Variants in LRTM2 observed in about 807,000 individuals in gnomAD.
LRTM2 encodes leucine rich repeat transmembrane protein 2, also known as leucine-rich repeat and transmembrane domain-containing protein 2.
A neutral mutation model predicts 28.1 loss-of-function variants in LRTM2; 18 were observed. The observed-to-expected ratio is 0.64, with a 90% CI of 0.44 to 0.95. The LOEUF is 0.95. Among genes scored for constraint, LRTM2 ranks in the 40% least tolerant of loss-of-function variants. The probability of loss-of-function intolerance (pLI) is 0.00; values close to 1 mark genes in which losing one functional copy is unlikely to be tolerated. For missense variants in LRTM2, 436 were observed against 497.2 expected, an observed-to-expected ratio of 0.88 and a Z score of 1.17; for synonymous variants, 250 against 218.7, an observed-to-expected ratio of 1.14 and a Z score of -1.26.
chr12:1,827,645 C>T (rs1459943260), intron 2 of LRTM2, 51 bp downstream of exon 2: 1 of 153,314 alleles, frequency 6.5e-6, no homozygotes, highest in Non-Finnish European at 1.5e-5. Context: ...GGGGAGCCTC[C>T]AGGGACAGGT....
At chr12:1,827,338 T>G (rs886748051) in intron 1 of LRTM2, 72 bp from the exon 2 acceptor site, 2 of 152,874 alleles carry the variant, frequency 1.3e-5, no homozygotes, top group Non-Finnish European at 2.9e-5. Flanking sequence ...AGCCTGCTCC[T>G]GCGCCCTGGC....
rs924252711 is a variant in LRTM2, at chr12:1,833,710, C to A, written c.659-557C>A. Among the ~76,000 whole-genome samples the A allele has an allele frequency of 1.3e-5, 2 of 152,182 alleles. No individual in the cohort carries two copies. Among genetic ancestry groups the A allele is most frequent in the African/African-American group, 4.8e-5 (2 of 41,440 alleles). ...AGGGAGCTGCCCATTCTTAGGCAAC[C>A]AAAAGGTCTTGCGTGGAGGGGCAGC... On this transcript the variant is annotated intron_variant, in intron 4 of 4. Transcript: ENST00000299194. This position sits in a 1 kb window ranked among gnomAD's most constrained non-coding sequence, Gnocchi z 4.2.
In LRTM2 at chr12:1,834,677, G is replaced by C; in HGVS notation, c.1069G>C (p.Glu357Gln). ...KKRQPLMGDP[E>Q]GEHEDQKQIS... ...GCGCCAGCCCCTGATGGGGGACCCC[G>C]AGGGCGAGCACGAGGACCAGAAGCA... is the stretch of plus-strand genomic sequence containing the variant. The change falls in exon 5 of 5, where the codon GAG becomes CAG. Residue 357 changes from glutamate to glutamine, a missense_variant. Transcript: ENST00000299194. The surrounding 1 kb of genome is among the most constrained non-coding windows in gnomAD (Gnocchi z 7.6). 6.2e-7 allele frequency: 1 copy of C among 1,601,986 alleles called. No individual in the cohort carries two copies. The highest frequency in any genetic ancestry group is 8.5e-7 in the Non-Finnish European group (1 of 1,179,534).
In LRTM2 at chr12:1,829,939, T is replaced by C. The variant is rs935053924; in HGVS notation, c.68-996T>C. Among the ~76,000 whole-genome samples the C allele has an allele frequency of 6.6e-6, 1 of 152,106 alleles. No individual in the cohort carries two copies. The highest frequency in any genetic ancestry group is 2.4e-5 in the African/African-American group (1 of 41,422). On this transcript the variant is annotated intron_variant, in intron 3 of 4. Coordinates refer to ENST00000299194, the MANE Select transcript of LRTM2 (RefSeq NM_001039029.3). The surrounding 1 kb of genome is among the most constrained non-coding windows in gnomAD (Gnocchi z 4.2). ...CACTTAGGGGTTTTTGAGGCCACTATTGGAAAGGGCTGCTGCATAATGGAA... is the reference window on the plus strand; with the variant it reads ...CACTTAGGGGTTTTTGAGGCCACTACTGGAAAGGGCTGCTGCATAATGGAA...
chr12:1,822,875 C>T (rs763992542), intron 1 of LRTM2, among the ~76,000 whole-genome samples: 7 of 152,168 alleles, frequency 4.6e-5, no homozygotes, highest in East Asian at 1.9e-4. Context: ...AATCTCGGGC[C>T]GTCTTTGGCC....
At position 1,827,488 on chromosome 12, in the gene LRTM2, C is replaced by T. The variant is rs1392758881; in HGVS notation, c.-180C>T. On this transcript the variant is annotated 5_prime_UTR_variant, in exon 2 of 5. Coordinates refer to ENST00000299194, the MANE Select transcript of LRTM2 (RefSeq NM_001039029.3). ...GAAGACAGAGTGCTGCTATTCACCT[C>T]TGCGTGGGCGTCGGTGGTGCAGGGG... is the stretch of plus-strand genomic sequence containing the variant. The T allele has an allele frequency of 6.5e-6, 1 of 152,870 alleles. No homozygotes were observed. The highest frequency in any genetic ancestry group is 2.4e-5 in the African/African-American group (1 of 41,468). The allele number at this position is 152,870 out of a possible 1,614,324, so 9.5% of individuals were successfully genotyped here.
At chr12:1,831,630 G>A in intron 4 of LRTM2, 105 bp downstream of exon 4, 1 of 973,400 alleles carries the variant, frequency 1.0e-6, no homozygotes, top group Admixed American at 2.5e-5. Flanking sequence ...GCAGGCCAGG[G>A]GAAAGAAGGG....
Position 1,828,878 on chromosome 12 carries a change from G to A in LRTM2, c.67+663G>A, listed in dbSNP as rs1407956818. Among the ~76,000 whole-genome samples the A allele has an allele frequency of 1.3e-5, 2 of 152,332 alleles. No individual in the cohort carries two copies. Among genetic ancestry groups the A allele is most frequent in the East Asian group, 1.9e-4 (1 of 5,174 alleles). On this transcript the variant is annotated intron_variant, in intron 3 of 4. Coordinates refer to ENST00000299194, the MANE Select transcript of LRTM2 (RefSeq NM_001039029.3). The surrounding 1 kb of genome is among the most constrained non-coding windows in gnomAD (Gnocchi z 4.2). ...GCTGTCAGGGTGAAAGGAGCCCTGA[G>A]AATTCTCTTTATATGTGGCAAAGGG... is the stretch of plus-strand genomic sequence containing the variant.
rs1864451724 is a variant in LRTM2, at chr12:1,828,340, T to TG, written c.67+129dup. On this transcript the variant is annotated intron_variant, in intron 3 of 4. Coordinates refer to ENST00000299194, the MANE Select transcript of LRTM2 (RefSeq NM_001039029.3). The surrounding 1 kb of genome is among the most constrained non-coding windows in gnomAD (Gnocchi z 4.2). The stretch of plus-strand genomic sequence containing the variant: ...CAGGGAGGCCTACGCCAGATCTTCC[T>TG]GGGGTACCCGAGGCTATGTTCTGGG... 2 of 853,982 alleles carry TG rather than the reference T, an allele frequency of 2.3e-6. No homozygotes were observed. The highest frequency in any genetic ancestry group is 3.4e-6 in the Non-Finnish European group (2 of 585,238). 52.9% of individuals were successfully genotyped at this position (853,982 alleles called of 1,614,324 possible).
Position 1,828,502 on chromosome 12 carries a change from G to A in LRTM2, c.67+287G>A, listed in dbSNP as rs1864463747. On this transcript the variant is annotated intron_variant, in intron 3 of 4. Transcript: ENST00000299194. The surrounding 1 kb of genome is among the most constrained non-coding windows in gnomAD (Gnocchi z 4.2). ...GGTAAGTCTCTGTGAGCTTGCTGGG[G>A]TCCCCAACAGGAGAAGAGCTCTGCT... Among the ~76,000 whole-genome samples the A allele has an allele frequency of 6.6e-6, 1 of 152,200 alleles. No homozygotes were observed. Among genetic ancestry groups the A allele is most frequent in the Non-Finnish European group, 1.5e-5 (1 of 68,040 alleles).
At chr12:1,830,669 C>G (rs780082942) in intron 3 of LRTM2, among the ~76,000 whole-genome samples, 5 of 152,242 alleles carry the variant, frequency 3.3e-5, no homozygotes, top group African/African-American at 4.8e-5. Context: ...TCTGCAGGGT[C>G]ATTCTCCACT....
chr12:1,822,046 G>A (rs937142152), intron 1 of LRTM2: 1 of 152,042 alleles, frequency 6.6e-6, no homozygotes, highest in Non-Finnish European at 1.5e-5. Flanking sequence ...GCCAAGAAGA[G>A]CCCAGCTTTT....
rs886944 is a variant in LRTM2 at position 1,828,620 on chromosome 12, G to T, written c.67+405G>T. ...CTGCGGCGAGCCCTTTTGCTCCCGT[G>T]GGGAACTGCCCCCTTGGCTGGCCTC... On this transcript the variant is annotated intron_variant, in intron 3 of 4. Transcript: ENST00000299194. This position sits in a 1 kb window ranked among gnomAD's most constrained non-coding sequence, Gnocchi z 4.2. Among the ~76,000 whole-genome samples the T allele has an allele frequency of 3.9e-5, 6 of 152,172 alleles. No individual in the cohort carries two copies. The highest frequency in any genetic ancestry group is 1.2e-4 in the African/African-American group (5 of 41,430).
chr12:1,832,264 G>C (rs1215341509), intron 4 of LRTM2, among the ~76,000 whole-genome samples: 3 of 152,184 alleles, frequency 2.0e-5, no homozygotes, highest in Non-Finnish European at 4.4e-5. Flanking sequence ...TGAGAAAGCT[G>C]GTTACCCTTT....
rs1232838332 is a variant in LRTM2, at chr12:1,834,929, C to T, written c.*208C>T. On this transcript the variant is annotated 3_prime_UTR_variant, in exon 5 of 5. Transcript: ENST00000299194. This position sits in a 1 kb window ranked among gnomAD's most constrained non-coding sequence, Gnocchi z 7.6. ...CGTGCTGGGGGCTCCTGCTGATGCTCCTGTCTGGGCCAGTAAATCTTTGGA... is the reference window on the plus strand; with the variant it reads ...CGTGCTGGGGGCTCCTGCTGATGCTTCTGTCTGGGCCAGTAAATCTTTGGA... 7 of 856,212 alleles carry T rather than the reference C, an allele frequency of 8.2e-6. No homozygotes were observed. The highest frequency in any genetic ancestry group is 3.7e-4 in the Middle Eastern group (1 of 2,710). 53.0% of individuals were successfully genotyped at this position (856,212 alleles called of 1,614,324 possible).
rs1353656510 is a variant in LRTM2, at chr12:1,834,873, C to G, written c.*152C>G. The G allele has an allele frequency of 2.9e-6, 4 of 1,398,414 alleles. No individual in the cohort carries two copies. Among genetic ancestry groups the G allele is most frequent in the Non-Finnish European group, 3.7e-6 (4 of 1,068,260 alleles). The allele number at this position is 1,398,414 out of a possible 1,614,324, so 86.6% of individuals were successfully genotyped here. A position where few individuals can be genotyped will look rare whatever the true frequency, so the allele number is the denominator to read the frequency against. ...GCAGACAAGCCACACCGGGTTCTCT[C>G]CCTGCACTTTCGAGGCTCCCTGAAA... On this transcript the variant is annotated 3_prime_UTR_variant, in exon 5 of 5. Transcript: ENST00000299194. This position sits in a 1 kb window ranked among gnomAD's most constrained non-coding sequence, Gnocchi z 7.6.
intron 1 of LRTM2, among the ~76,000 whole-genome samples, chr12:1,821,864 G>T (rs949600797): frequency 1.3e-5 from 2 of 152,086 alleles, no homozygotes; most frequent in African/African-American, 2.4e-5. Flanking sequence ...ATTTCTGGGG[G>T]GTGTTGGCAC....
rs1864482758 is a variant in LRTM2 at position 1,828,766 on chromosome 12, T to A, written c.67+551T>A. On this transcript the variant is annotated intron_variant, in intron 3 of 4. Transcript: ENST00000299194. The surrounding 1 kb of genome is among the most constrained non-coding windows in gnomAD (Gnocchi z 4.2). ...CGGCGCTGGAAGAGACTTTGGGGAG[T>A]GGGTCCAACCCCTCCTGCATATAGG... Among the ~76,000 whole-genome samples, 1 of 151,944 alleles carries A rather than the reference T, an allele frequency of 6.6e-6. No individual in the cohort carries two copies. Among genetic ancestry groups the A allele is most frequent in the African/African-American group, 2.4e-5 (1 of 41,366 alleles).
At chr12:1,821,841 C>A (rs1864116573) in intron 1 of LRTM2, among the ~76,000 whole-genome samples, 1 of 152,158 alleles carries the variant, frequency 6.6e-6, no homozygotes, top group South Asian at 2.1e-4. Flanking sequence ...TCCCCCACCC[C>A]CAAGCTGTCC....
Sources: gnomAD v4.1 joint callset for allele counts (sites outside exome capture counted in the v4.1 genomes callset) on GRCh38, gnomAD v4.1.1 for gene constraint, Gnocchi (gnomAD v3.1) non-coding constraint, MANE v1.5 for transcripts, NCBI Gene and HGNC (gene_info 2026-07-23, HGNC 2026-07-21) for gene names.